The following DLG2 variants were observed in gnomAD, a reference collection of about 807,000 sequenced individuals.
DLG2 encodes disks large homolog 2.
A neutral mutation model predicts 132.5 loss-of-function variants in DLG2; 45 were observed. That is an observed-to-expected ratio of 0.34 (90% CI 0.27 to 0.44). The LOEUF is 0.44. Among genes scored for constraint, DLG2 ranks in the 20% least tolerant of loss-of-function variants. The pLI, the probability that DLG2 is intolerant of heterozygous loss-of-function variation, is 1.00. For synonymous variants in DLG2, 424 were observed against 419.6 expected (o/e 1.01, Z -0.13); for missense variants, 1,045 against 1,196.9 (o/e 0.87, Z 1.87).
intron 4 of DLG2, among the ~76,000 whole-genome samples, chr11:85,245,343 C>CCAAT (rs1595670409): frequency 6.6e-6 from 1 of 152,012 alleles, no homozygotes; most frequent in East Asian, 1.9e-4. Context: ...TTCACTTTAA[C>CCAAT]CAATGTCCAC....
chr11:85,047,516 A>G (rs1471676983), intron 6 of DLG2, among the ~76,000 whole-genome samples: 1 of 151,872 alleles, frequency 6.6e-6, no homozygotes, highest in Non-Finnish European at 1.5e-5. Context: ...GAGAAGGTTT[A>G]GCCTCAATGA....
chr11:83,477,210 C>T (rs12800747), intron 22 of DLG2, among the ~76,000 whole-genome samples: 42 of 152,138 alleles, frequency 2.8e-4, no homozygotes, highest in African/African-American at 9.4e-4. Context: ...ATATACTTGC[C>T]TAGTATTTAC....
chr11:84,898,632 T>C (rs1477342439), intron 6 of DLG2, among the ~76,000 whole-genome samples: 5 of 151,960 alleles, frequency 3.3e-5, no homozygotes, highest in Admixed American at 3.3e-4. Context: ...TATCCTTTCC[T>C]AGAAGCTCTT....
intron 3 of DLG2, among the ~76,000 whole-genome samples, chr11:85,514,570 T>G (rs894270544): frequency 6.6e-6 from 1 of 151,952 alleles, no homozygotes; most frequent in Non-Finnish European, 1.5e-5. Flanking sequence ...ACAGTTATCA[T>G]TCCTCTAACA....
chr11:84,298,108 T>C (rs555943569), intron 7 of DLG2, among the ~76,000 whole-genome samples: 3 of 152,192 alleles, frequency 2.0e-5, no homozygotes, highest in Non-Finnish European at 4.4e-5. Context: ...CTTGTTAACT[T>C]TCATATTTCT....
chr11:84,848,124 C>G (rs190991111), intron 6 of DLG2, among the ~76,000 whole-genome samples: 33 of 152,252 alleles, frequency 2.2e-4, no homozygotes, highest in African/African-American at 7.7e-4. Context: ...CACAACTATT[C>G]TCTAATCAAC....
chr11:83,797,503 T>C (rs1465165386), intron 17 of DLG2, among the ~76,000 whole-genome samples: 2 of 135,698 alleles, frequency 1.5e-5, no homozygotes, highest in Non-Finnish European at 3.1e-5. Context: ...TCTGCATTCT[T>C]TTTTTTTTTG....
At chr11:84,112,682 C>T (rs1044089178) in intron 9 of DLG2, among the ~76,000 whole-genome samples, 1 of 152,102 alleles carries the variant, frequency 6.6e-6, no homozygotes. Context: ...TGGTAACATG[C>T]GATTAACCAA....
chr11:85,297,090 G>C (rs1227996499), intron 3 of DLG2, among the ~76,000 whole-genome samples: 1 of 151,662 alleles, frequency 6.6e-6, no homozygotes, highest in Non-Finnish European at 1.5e-5. Flanking sequence ...TAAAATTGTA[G>C]AAAAATAAAA....
At chr11:83,690,012 T>C (rs1184981192) in intron 18 of DLG2, among the ~76,000 whole-genome samples, 2 of 145,624 alleles carry the variant, frequency 1.4e-5, no homozygotes, top group African/African-American at 2.5e-5. Flanking sequence ...TTTATTATAA[T>C]ATTTAATAAA....
chr11:83,521,489 G>A (rs10898133), intron 21 of DLG2, among the ~76,000 whole-genome samples: 53,735 of 151,962 alleles, frequency 0.35, 9,579 homozygotes, highest in Middle Eastern at 0.46. Context: ...CTGATAACAC[G>A]TAGCAATTAC....
chr11:84,567,682 A>G (rs2099462677), intron 6 of DLG2, among the ~76,000 whole-genome samples: 3 of 152,194 alleles, frequency 2.0e-5, no homozygotes, highest in Non-Finnish European at 2.9e-5. Flanking sequence ...TAATTCCCCA[A>G]CAATTGGTAT....
intron 15 of DLG2, among the ~76,000 whole-genome samples, chr11:83,885,529 A>G (rs1176430074): frequency 6.6e-6 from 1 of 152,236 alleles, no homozygotes; most frequent in Admixed American, 6.5e-5. Context: ...ACTCTACAGG[A>G]TATTATCCAG....
intron 3 of DLG2, among the ~76,000 whole-genome samples, chr11:85,540,792 A>C (rs2075911838): frequency 6.6e-6 from 1 of 152,204 alleles, no homozygotes; most frequent in South Asian, 2.1e-4. Flanking sequence ...CAGAGCCCAA[A>C]AACTGCCCAT....
At chr11:84,822,361 A>T (rs937634686) in intron 6 of DLG2, among the ~76,000 whole-genome samples, 5 of 151,842 alleles carry the variant, frequency 3.3e-5, no homozygotes, top group African/African-American at 1.2e-4. Context: ...AAGGAGGGGT[A>T]AGCTTATTTT....
At chr11:84,198,340 T>C (rs12286607) in intron 8 of DLG2, among the ~76,000 whole-genome samples, 2,351 of 152,274 alleles carry the variant, frequency 0.015, 70 homozygotes, top group African/African-American at 0.053. Context: ...TTAGAGCTTA[T>C]ACTTATTGGA....
At chr11:84,127,520 T>C (rs1464782184) in intron 9 of DLG2, among the ~76,000 whole-genome samples, 1 of 152,210 alleles carries the variant, frequency 6.6e-6, no homozygotes, top group Non-Finnish European at 1.5e-5. Flanking sequence ...TCCATGTCTA[T>C]CTCCTAACTT....
intron 4 of DLG2, among the ~76,000 whole-genome samples, chr11:85,198,464 A>C (rs1214911542): frequency 1.3e-5 from 2 of 152,140 alleles, no homozygotes; most frequent in African/African-American, 4.8e-5. Flanking sequence ...ATTACTTATA[A>C]ATTGTTTCTA....
chr11:84,632,158 C>T (rs1460680330), intron 6 of DLG2, among the ~76,000 whole-genome samples: 2 of 152,130 alleles, frequency 1.3e-5, no homozygotes, highest in African/African-American at 4.8e-5. Flanking sequence ...TGTTGAAATA[C>T]TTATACCAGA....
Sources: allele counts gnomAD v4.1 joint callset (sites outside exome capture counted in the v4.1 genomes callset), GRCh38; gene constraint gnomAD v4.1.1; transcripts MANE v1.5; gene names NCBI Gene and HGNC (gene_info 2026-07-23, HGNC 2026-07-21).